Variants in ZRANB3 observed in about 807,000 individuals in gnomAD.
ZRANB3 encodes the protein zinc finger RANBP2-type containing 3.
ZRANB3 carries 125 observed loss-of-function variants against 133.8 expected under a neutral mutation model. The observed-to-expected ratio is 0.93, with a 90% CI of 0.81 to 1.08. The LOEUF (loss-of-function observed/expected upper bound fraction) is 1.08. ZRANB3 is among the 50% of genes least tolerant of loss of function. ZRANB3 has a pLI of 0.00. For missense variants in ZRANB3, 1,229 were observed against 1,275.5 expected (o/e 0.96, Z 0.56); for synonymous variants, 387 against 432.7 (o/e 0.89, Z 1.31).
At position 135,314,817 on chromosome 2, in the gene ZRANB3, C is replaced by T. The variant is rs559927123; in HGVS notation, c.849+542G>A. ...AGGCTGGAGTGCAATGGCGCGATCT[C>T]GGCTCACTGCAACCTCTGCCTCCTG... On this transcript the variant is annotated intron_variant, in intron 7 of 20. Coordinates refer to ENST00000264159, the MANE Select transcript of ZRANB3 (RefSeq NM_032143.4). 4.3e-4 allele frequency among the ~76,000 whole-genome samples: 65 copies of T among 151,360 alleles called. 1 individual carries two copies. The highest frequency in any genetic ancestry group is 1.4e-3 in the African/African-American group (58 of 41,240).
intron 2 of ZRANB3, among the ~76,000 whole-genome samples, chr2:135,495,095 G>C (rs1237827304): frequency 6.6e-6 from 1 of 152,106 alleles, no homozygotes; most frequent in Non-Finnish European, 1.5e-5. Context: ...GGGCACAGTG[G>C]TGTGCACCTG....
Position 135,269,523 on chromosome 2 carries a change from C to T in ZRANB3, c.1207-382G>A, listed in dbSNP as rs764307654. On this transcript the variant is annotated intron_variant, in intron 10 of 20. Transcript: ENST00000264159. ...ATAGCAACCAGGCAGAGAGCATTTA[C>T]ATCCTCTTCATCTAACTCACACTGT... 1.1e-4 allele frequency among the ~76,000 whole-genome samples: 17 copies of T among 152,242 alleles called. No homozygotes were observed. In the South Asian group the frequency reaches 1.7e-3, roughly 15 times the overall value.
chr2:135,305,774 G>A (rs1357756175), intron 8 of ZRANB3, among the ~76,000 whole-genome samples: 2 of 152,080 alleles, frequency 1.3e-5, no homozygotes, highest in Admixed American at 6.5e-5. Context: ...TTCTAGTGAT[G>A]ATAAATTCCT....
intron 3 of ZRANB3, among the ~76,000 whole-genome samples, chr2:135,387,794 T>C (rs1211203423): frequency 3.9e-5 from 6 of 152,122 alleles, no homozygotes; most frequent in South Asian, 4.1e-4. Context: ...AATTAAAAAG[T>C]AAGAATGGTT....
intron 2 of ZRANB3, among the ~76,000 whole-genome samples, chr2:135,446,019 A>G (rs1366922185): frequency 6.6e-6 from 1 of 152,108 alleles, no homozygotes; most frequent in East Asian, 1.9e-4. Flanking sequence ...AGCCTGGCCA[A>G]CATGCTGAAA....
chr2:135,309,936 T>C (rs757182435), intron 8 of ZRANB3, among the ~76,000 whole-genome samples: 2 of 152,106 alleles, frequency 1.3e-5, no homozygotes, highest in Non-Finnish European at 2.9e-5. Context: ...TCAAGGCTTA[T>C]TTATTTATTT....
chr2:135,528,607 G>C, intron 1 of ZRANB3, among the ~76,000 whole-genome samples: 1 of 151,880 alleles, frequency 6.6e-6, no homozygotes, highest in East Asian at 1.9e-4. Flanking sequence ...TTACTATTTA[G>C]TGACTAGATT....
Position 135,207,447 on chromosome 2 carries a change from A to G in ZRANB3, c.2996T>C (p.Leu999Pro). 8.7e-6 allele frequency: 14 copies of G among 1,609,816 alleles called. No individual in the cohort carries two copies. Among genetic ancestry groups the G allele is most frequent in the Non-Finnish European group, 1.2e-5 (14 of 1,177,728 alleles). ...NLLYATWTSK[L>P]PLEQLNEMIR... ...ATTATAACTTACCTGTTCTAATGGG[A>G]GCTTTGAAGTCCAGGTAGCATACAG... Residue 999 changes from leucine (L) to proline (P), a missense_variant, in exon 19 of 21, where the codon CTC becomes CCC. Physicochemically the swap from Leu to Pro is moderately conservative, Grantham distance 98 (BLOSUM62 -3). Transcript: ENST00000264159.
chr2:135,420,443 T>C (rs1013010872), intron 2 of ZRANB3, among the ~76,000 whole-genome samples: 4 of 151,932 alleles, frequency 2.6e-5, no homozygotes, highest in African/African-American at 9.7e-5. Context: ...TAGTCTATGG[T>C]GAGGTAGTAG....
In ZRANB3 at chr2:135,405,729, A is replaced by C. The variant is rs143342472; in HGVS notation, c.162-14909T>G. ...CTGCTCCTGAATGACTACTGGGTAC[A>C]TAACAAAATGAAGGCAGAGATCAAG... is the stretch of plus-strand genomic sequence containing the variant. On this transcript the variant is annotated intron_variant, in intron 2 of 20. Transcript: ENST00000264159. 3.0e-3 allele frequency among the ~76,000 whole-genome samples: 452 copies of C among 152,352 alleles called. 3 individuals carry two copies. Among genetic ancestry groups the C allele is most frequent in the African/African-American group, 0.01 (421 of 41,588 alleles).
chr2:135,265,688 T>G lies in ZRANB3; in HGVS notation c.1387-2A>C, dbSNP rs745778553. On this transcript the variant is annotated splice_acceptor_variant, in intron 11 of 20. Coordinates refer to ENST00000264159, the MANE Select transcript of ZRANB3 (RefSeq NM_032143.4). LOFTEE classifies it high-confidence loss of function. ...CAGTGTGCTCCCTGTAACTTGAGCCTACAAGAGGAAAAAGTAAATGAATTT... is the reference window on the plus strand; with the variant it reads ...CAGTGTGCTCCCTGTAACTTGAGCCGACAAGAGGAAAAAGTAAATGAATTT... 1 of 1,608,774 alleles carries G rather than the reference T, an allele frequency of 6.2e-7. No homozygotes were observed. The highest frequency in any genetic ancestry group is 1.1e-5 in the South Asian group (1 of 89,798).
intron 13 of ZRANB3, 76 bp downstream of exon 13, chr2:135,230,437 C>T: frequency 7.5e-7 from 1 of 1,334,278 alleles, no homozygotes; most frequent in Admixed American, 2.8e-5. Flanking sequence ...TGGATAACAG[C>T]AGTCTCTAAA....
Position 135,362,429 on chromosome 2 carries a change from A to G in ZRANB3, c.181-8801T>C, listed in dbSNP as rs867295853. Among the ~76,000 whole-genome samples the G allele has an allele frequency of 3.3e-5, 5 of 152,220 alleles. No homozygotes were observed. The South Asian group carries it at 1.0e-3, about 32-fold the overall frequency. On this transcript the variant is annotated intron_variant, in intron 3 of 20. Coordinates refer to ENST00000264159, the MANE Select transcript of ZRANB3 (RefSeq NM_032143.4). ...TTTCTCTTGAAGGGAATGCACTGGGAACAGAGGAAGGCAGAAAGGAGATGG... is the reference window on the plus strand; with the variant it reads ...TTTCTCTTGAAGGGAATGCACTGGGGACAGAGGAAGGCAGAAAGGAGATGG...
chr2:135,394,646 T>A (rs1249753901), intron 2 of ZRANB3, among the ~76,000 whole-genome samples: 1 of 152,064 alleles, frequency 6.6e-6, no homozygotes, highest in African/African-American at 2.4e-5. Context: ...ACCTATACCT[T>A]ACATAATAAG....
At chr2:135,527,191 TC>T (rs1407571613) in intron 1 of ZRANB3, among the ~76,000 whole-genome samples, 4 of 152,152 alleles carry the variant, frequency 2.6e-5, no homozygotes, top group Admixed American at 2.0e-4. Flanking sequence ...ACAGTTTGAC[TC>T]TTTTTGTCGA....
intron 2 of ZRANB3, among the ~76,000 whole-genome samples, chr2:135,492,787 G>GCC (rs1405162370): frequency 6.6e-6 from 1 of 151,806 alleles, no homozygotes; most frequent in Non-Finnish European, 1.5e-5. Flanking sequence ...CAAGAATAAG[G>GCC]CCCTAGACCT....
At chr2:135,420,110 T>C (rs1298420660) in intron 2 of ZRANB3, among the ~76,000 whole-genome samples, 1 of 143,438 alleles carries the variant, frequency 7.0e-6, no homozygotes, top group Non-Finnish European at 1.5e-5. Context: ...TATATATATA[T>C]ATATATATAT....
At chr2:135,499,463 C>T (rs571637179) in intron 2 of ZRANB3, among the ~76,000 whole-genome samples, 33 of 151,994 alleles carry the variant, frequency 2.2e-4, no homozygotes, top group Admixed American at 2.2e-3. Flanking sequence ...AGACTCATAT[C>T]CAGAGTATAC....
At chr2:135,241,962 T>C (rs1329713808) in intron 12 of ZRANB3, among the ~76,000 whole-genome samples, 1 of 152,074 alleles carries the variant, frequency 6.6e-6, no homozygotes, top group East Asian at 1.9e-4. Flanking sequence ...GGCGAATCAC[T>C]TGAGGTCAGG....
Sources: allele counts gnomAD v4.1 joint callset (sites outside exome capture counted in the v4.1 genomes callset), GRCh38; gene constraint gnomAD v4.1.1; transcripts MANE v1.5; gene names NCBI Gene and HGNC (gene_info 2026-07-23, HGNC 2026-07-21).